The following DDR2 variants were observed in gnomAD, a reference collection of about 807,000 sequenced individuals.
DDR2 encodes discoidin domain receptor tyrosine kinase 2.
Under a neutral mutation model 94.9 loss-of-function variants are expected in DDR2, and 27 were observed. The ratio of observed to expected loss-of-function variants is 0.28; its 90% CI spans 0.21 to 0.39. The LOEUF (loss-of-function observed/expected upper bound fraction) is 0.39, where lower values mean the gene tolerates loss of function less well. Ranked by LOEUF, DDR2 falls within the 10% of genes least tolerant of loss-of-function variation. The pLI is 1.00. For missense variants in DDR2, 783 were observed against 1,076.0 expected (o/e 0.73, Z 3.81); for synonymous variants, 382 against 377.2 (o/e 1.01, Z -0.15).
rs542333812 is a variant in DDR2, at chr1:162,742,916, A to G, written c.83-10179A>G. Among the ~76,000 whole-genome samples, 8 of 152,220 alleles carry G rather than the reference A, an allele frequency of 5.3e-5. No individual in the cohort carries two copies. The East Asian group carries it at 9.7e-4, about 18-fold the overall frequency. On this transcript the variant is annotated intron_variant, in intron 3 of 17. Transcript: ENST00000367921. ...TCAGATCTCGTGAGACTTATTCACT[A>G]TTACAAGGATAGCACGGGAAAGACG...
intron 2 of DDR2, among the ~76,000 whole-genome samples, chr1:162,668,285 C>A (rs1190511199): frequency 2.0e-5 from 3 of 152,082 alleles, no homozygotes; most frequent in African/African-American, 7.2e-5. Context: ...GATGTGAAAA[C>A]CCTGGTTAGG....
At chr1:162,780,017 A>C in intron 17 of DDR2, 95 bp from the exon 18 acceptor site, 5 of 1,588,078 alleles carry the variant, frequency 3.1e-6, no homozygotes, top group Non-Finnish European at 3.4e-6. Context: ...CAGGGGGCAA[A>C]TCAAACCATG....
intron 6 of DDR2, 128 bp from the exon 7 acceptor site, chr1:162,755,536 C>G: frequency 9.3e-7 from 1 of 1,073,202 alleles, no homozygotes; most frequent in Middle Eastern, 2.8e-4. Flanking sequence ...CCTCCAAAGT[C>G]TTCCCTCGGT....
intron 17 of DDR2, 142 bp from the exon 18 acceptor site, chr1:162,779,970 C>G: frequency 1.6e-6 from 2 of 1,218,462 alleles, no homozygotes; most frequent in Non-Finnish European, 2.4e-6. Flanking sequence ...AAAATGGACA[C>G]TACACCCATT....
At chr1:162,737,314 C>T (rs1258453649) in intron 3 of DDR2, among the ~76,000 whole-genome samples, 13 of 121,742 alleles carry the variant, frequency 1.1e-4, no homozygotes, top group East Asian at 5.6e-4. Flanking sequence ...CCCCCTCCCC[C>T]GACCCCACCA....
In DDR2 at chr1:162,770,681, T is replaced by C. The variant is rs1237265394; in HGVS notation, c.1504+169T>C. 3 of 755,026 alleles carry C rather than the reference T, an allele frequency of 4.0e-6. No individual in the cohort carries two copies. The African/African-American group carries it at 5.2e-5, about 13-fold the overall frequency. The allele number at this position is 755,026 out of a possible 1,614,324, so 46.8% of individuals were successfully genotyped here. On this transcript the variant is annotated intron_variant, in intron 12 of 17. Transcript: ENST00000367921. Reference sequence around the variant, plus strand: ...GGTCTGCCGCTGCTCCTGGCCTAATTTGAGCAACTCTCCTTTGCTACTGAA... The same window carrying C: ...GGTCTGCCGCTGCTCCTGGCCTAATCTGAGCAACTCTCCTTTGCTACTGAA...
At chr1:162,744,879 G>A (rs754819201) in intron 3 of DDR2, among the ~76,000 whole-genome samples, 1 of 152,198 alleles carries the variant, frequency 6.6e-6, no homozygotes, top group Non-Finnish European at 1.5e-5. Context: ...AAGTGGGACT[G>A]CTGGAGCATA....
intron 1 of DDR2, among the ~76,000 whole-genome samples, chr1:162,634,436 G>A (rs1179864296): frequency 6.6e-6 from 1 of 152,188 alleles, no homozygotes; most frequent in Non-Finnish European, 1.5e-5. Flanking sequence ...GGCTATCAAG[G>A]GCTTACCCAT....
intron 9 of DDR2, among the ~76,000 whole-genome samples, chr1:162,762,505 A>T (rs2102159134): frequency 6.6e-6 from 1 of 152,354 alleles, no homozygotes; most frequent in Admixed American, 6.5e-5. Flanking sequence ...CTCCATCAAT[A>T]ACCACTGTCT....
At chr1:162,664,728 A>C (rs1658462395) in intron 2 of DDR2, among the ~76,000 whole-genome samples, 1 of 152,210 alleles carries the variant, frequency 6.6e-6, no homozygotes, top group Non-Finnish European at 1.5e-5. Context: ...TTCCTTATGC[A>C]ATTGAAAAGT....
At chr1:162,703,611 A>G (rs904395230) in intron 2 of DDR2, among the ~76,000 whole-genome samples, 1 of 152,202 alleles carries the variant, frequency 6.6e-6, no homozygotes, top group African/African-American at 2.4e-5. Context: ...ATTCATGAAT[A>G]TTTCTTGATC....
chr1:162,776,032 G>T, intron 15 of DDR2, 104 bp from the exon 16 acceptor site: 1 of 1,326,846 alleles, frequency 7.5e-7, no homozygotes, highest in Non-Finnish European at 1.1e-6. Flanking sequence ...GAGAAAGAAT[G>T]TTGAGCTTTC....
intron 3 of DDR2, among the ~76,000 whole-genome samples, chr1:162,722,332 C>T (rs188305114): frequency 1.0e-3 from 157 of 152,236 alleles, no homozygotes; most frequent in African/African-American, 3.6e-3. Flanking sequence ...GCGTAGGCTA[C>T]GCAAGTCTTT....
chr1:162,661,733 A>C (rs1033098628), intron 2 of DDR2, among the ~76,000 whole-genome samples: 1 of 152,194 alleles, frequency 6.6e-6, no homozygotes, highest in African/African-American at 2.4e-5. Flanking sequence ...CTGCTCTGCA[A>C]GTCTTGGAGA....
At chr1:162,708,562 G>T (rs528533993) in intron 2 of DDR2, among the ~76,000 whole-genome samples, 3 of 152,168 alleles carry the variant, frequency 2.0e-5, no homozygotes, top group Admixed American at 6.5e-5. Context: ...ATCAAGCAGC[G>T]TAATCACATC....
At position 162,770,656 on chromosome 1, in the gene DDR2, G is replaced by C. The variant is rs958232971; in HGVS notation, c.1504+144G>C. ...AAGTCCACATTCTCTTTCTAGATTTGGTCTGCCGCTGCTCCTGGCCTAATT... is the reference window on the plus strand; with the variant it reads ...AAGTCCACATTCTCTTTCTAGATTTCGTCTGCCGCTGCTCCTGGCCTAATT... On this transcript the variant is annotated intron_variant, in intron 12 of 17. Transcript: ENST00000367921. The C allele has an allele frequency of 1.6e-5, 14 of 865,748 alleles. No individual in the cohort carries two copies. The African/African-American group carries it at 2.3e-4, about 14-fold the overall frequency. The allele number at this position is 865,748 out of a possible 1,614,324, so 53.6% of individuals were successfully genotyped here.
At chr1:162,650,051 C>T (rs1657609063) in intron 1 of DDR2, among the ~76,000 whole-genome samples, 1 of 152,114 alleles carries the variant, frequency 6.6e-6, no homozygotes, top group Non-Finnish European at 1.5e-5. Flanking sequence ...GCAGATGAGC[C>T]CCAACATTCT....
intron 3 of DDR2, among the ~76,000 whole-genome samples, chr1:162,728,204 ATCTT>A (rs1465752184): frequency 6.9e-6 from 1 of 144,754 alleles, no homozygotes; most frequent in African/African-American, 2.6e-5. Context: ...AGATAGATAT[ATCTT>A]TATATATATA....
At position 162,669,124 on chromosome 1, in the gene DDR2, T is replaced by C. The variant is rs577281666; in HGVS notation, c.-28+13750T>C. Reference sequence around the variant, plus strand: ...CATGCAGGATTTTTAAGGGTAGTTCTGATTTCAAACATGCAAACAATAGTG... The same window carrying C: ...CATGCAGGATTTTTAAGGGTAGTTCCGATTTCAAACATGCAAACAATAGTG... On this transcript the variant is annotated intron_variant, in intron 2 of 17. Transcript: ENST00000367921. Among the ~76,000 whole-genome samples, 160 of 152,386 alleles carry C rather than the reference T, an allele frequency of 1.0e-3. 1 individual carries two copies. The highest frequency in any genetic ancestry group is 1.9e-3 in the Admixed American group (29 of 15,314).
Sources: gnomAD v4.1 joint callset for allele counts (sites outside exome capture counted in the v4.1 genomes callset) on GRCh38, gnomAD v4.1.1 for gene constraint, MANE v1.5 for transcripts, NCBI Gene and HGNC (gene_info 2026-07-23, HGNC 2026-07-21) for gene names.